Variants in RYR2 observed in about 807,000 individuals in gnomAD.
RYR2 encodes the protein cardiac muscle ryanodine receptor-calcium release channel.
A neutral mutation model predicts 601.1 loss-of-function variants in RYR2; 227 were observed. The observed-to-expected ratio is 0.38, with a 90% CI of 0.34 to 0.42. The LOEUF is 0.42. RYR2 is among the 10% of genes least tolerant of loss of function. The probability of loss-of-function intolerance (pLI) is 1.00; values close to 1 mark genes in which losing one functional copy is unlikely to be tolerated. For synonymous variants in RYR2, 2,223 were observed against 2,175.1 expected, an observed-to-expected ratio of 1.02 and a Z score of -0.61; for missense variants, 4,646 against 6,156.5, an observed-to-expected ratio of 0.75 and a Z score of 8.21.
chr1:237,497,890 C>T (rs1322079665), intron 20 of RYR2, among the ~76,000 whole-genome samples: 2 of 151,538 alleles, frequency 1.3e-5, no homozygotes, highest in African/African-American at 4.9e-5. Context: ...GAGACAGAGT[C>T]TTGCTCTGTT....
chr1:237,480,940 C>T (rs1661996498), intron 17 of RYR2, among the ~76,000 whole-genome samples: 2 of 151,710 alleles, frequency 1.3e-5, no homozygotes, highest in African/African-American at 4.8e-5. Context: ...ACCTCTGTTG[C>T]TTTTTTCTCC....
intron 42 of RYR2, among the ~76,000 whole-genome samples, chr1:237,631,912 C>T (rs552935432): frequency 9.5e-4 from 144 of 151,910 alleles, no homozygotes; most frequent in African/African-American, 2.5e-3. Flanking sequence ...GGATTACAGG[C>T]GTGAGCCACC....
intron 1 of RYR2, among the ~76,000 whole-genome samples, chr1:237,081,547 A>G (rs572666993): frequency 4.5e-4 from 68 of 152,042 alleles, no homozygotes; most frequent in Non-Finnish European, 7.7e-4. Context: ...GTATACATAT[A>G]TATCATAATT....
chr1:237,673,849 G>A (rs1322326817), intron 58 of RYR2, among the ~76,000 whole-genome samples: 2 of 152,162 alleles, frequency 1.3e-5, no homozygotes, highest in African/African-American at 4.8e-5. Context: ...TTGTCACTTA[G>A]TATTACAAAT....
At chr1:237,768,822 C>T (rs1477658557) in intron 84 of RYR2, among the ~76,000 whole-genome samples, 1 of 152,190 alleles carries the variant, frequency 6.6e-6, no homozygotes, top group African/African-American at 2.4e-5. Flanking sequence ...TACCTGGTAT[C>T]ACCTGATGGT....
chr1:237,384,842 G>A (rs1572081468), intron 8 of RYR2, among the ~76,000 whole-genome samples: 2 of 152,106 alleles, frequency 1.3e-5, no homozygotes, highest in African/African-American at 2.4e-5. Flanking sequence ...GATTTACACA[G>A]CATTTTTAAA....
chr1:237,223,245 C>T (rs569178863), intron 1 of RYR2, among the ~76,000 whole-genome samples: 3 of 152,274 alleles, frequency 2.0e-5, no homozygotes, highest in Non-Finnish European at 4.4e-5. Flanking sequence ...TGTCCAGGAT[C>T]AAGGTACTGG....
chr1:237,174,343 C>G (rs1292499067), intron 1 of RYR2, among the ~76,000 whole-genome samples: 2 of 152,164 alleles, frequency 1.3e-5, no homozygotes, highest in African/African-American at 4.8e-5. Flanking sequence ...TCTGTTCTTA[C>G]TAATGTCACC....
rs1321740192 is a variant in RYR2, at chr1:237,622,521, T to C, written c.5917-1244T>C. Among the ~76,000 whole-genome samples, 8 of 152,204 alleles carry C rather than the reference T, an allele frequency of 5.3e-5. 1 individual carries two copies. In the South Asian group the frequency reaches 1.4e-3, roughly 28 times the overall value. ...CATAGATGAATTTCATTTTTAGACT[T>C]GGGTTCTATTCTCAAAATAGCTCAT... On this transcript the variant is annotated intron_variant, in intron 38 of 104. Coordinates refer to ENST00000366574, the MANE Select transcript of RYR2 (RefSeq NM_001035.3).
intron 62 of RYR2, among the ~76,000 whole-genome samples, chr1:237,683,974 C>A (rs1686129354): frequency 6.6e-6 from 1 of 152,082 alleles, no homozygotes; most frequent in African/African-American, 2.4e-5. Context: ...GTCGCCCAGG[C>A]TGGAGTCCAG....
chr1:237,624,210 T>G (rs1250320055), intron 39 of RYR2, among the ~76,000 whole-genome samples: 1 of 152,172 alleles, frequency 6.6e-6, no homozygotes, highest in East Asian at 1.9e-4. Context: ...AGTCAATGGG[T>G]ACAAAGTTTC....
chr1:237,370,491 T>C (rs966957733), intron 6 of RYR2, among the ~76,000 whole-genome samples: 1 of 152,202 alleles, frequency 6.6e-6, no homozygotes, highest in South Asian at 2.1e-4. Context: ...TCTCATTGTC[T>C]TCGTGTCAAA....
At chr1:237,445,549 G>A (rs769478625) in intron 14 of RYR2, 27 bp downstream of exon 14, 10 of 1,610,728 alleles carry the variant, frequency 6.2e-6, no homozygotes, top group Non-Finnish European at 8.5e-6. Flanking sequence ...AGGCGTAGTT[G>A]TTTGATACTT....
intron 30 of RYR2, 79 bp from the exon 31 acceptor site, chr1:237,590,561 G>A: frequency 3.3e-6 from 4 of 1,197,522 alleles, no homozygotes; most frequent in Non-Finnish European, 4.6e-6. Flanking sequence ...CTGAAAACGT[G>A]ATGTGCCTTA....
At chr1:237,802,546 T>C (rs181152117) in intron 98 of RYR2, among the ~76,000 whole-genome samples, 2 of 152,274 alleles carry the variant, frequency 1.3e-5, no homozygotes, top group East Asian at 3.9e-4. Flanking sequence ...CATCCAGCCA[T>C]GGGCCCAGAA....
In RYR2 at chr1:237,708,996, A is replaced by C; in HGVS notation, c.10040A>C (p.Asp3347Ala). 1 of 1,613,638 alleles carries C rather than the reference A, an allele frequency of 6.2e-7. No homozygotes were observed. The highest frequency in any genetic ancestry group is 8.5e-7 in the Non-Finnish European group (1 of 1,179,698). Residue 3347 changes from aspartate (D) to alanine (A), a missense_variant, in exon 69 of 105, where the codon GAC becomes GCC. By Grantham distance (126) the Asp-to-Ala change is moderately radical (BLOSUM62 -2). This residue lies in a region of RYR2 where 1,497 missense variants were observed against 1,842.6 expected (regional missense o/e 0.81). Transcript: ENST00000366574. ...CACCTGAAAGCTGAGGCCAGGGGGG[A>C]CATGTCGGAGGCAGAACTCCTCATC... is the stretch of plus-strand genomic sequence containing the variant. ...EDHLKAEARG[D>A]MSEAELLILD...
Position 237,388,164 on chromosome 1 carries a change from C to T in RYR2, c.754C>T (p.His252Tyr). The T allele has an allele frequency of 6.2e-7, 1 of 1,613,842 alleles. No individual in the cohort carries two copies. The highest frequency in any genetic ancestry group is 8.5e-7 in the Non-Finnish European group (1 of 1,179,844). ...DECLTVPSGE[H>Y]GEEQRRTVHY... ...GTGTCTCACTGTCCCTTCAGGAGAA[C>T]ATGGTGAAGAGCAGCGGAGGTTAGT... Residue 252 changes from histidine to tyrosine, a missense_variant, in exon 10 of 105, where the codon CAT becomes TAT. Transcript: ENST00000366574.
intron 47 of RYR2, among the ~76,000 whole-genome samples, chr1:237,641,787 C>T (rs1426621149): frequency 6.6e-6 from 1 of 152,224 alleles, no homozygotes; most frequent in Admixed American, 6.5e-5. Flanking sequence ...AGTGATCCAA[C>T]TGCCTCGGCC....
intron 2 of RYR2, among the ~76,000 whole-genome samples, chr1:237,304,784 C>T (rs1693709009): frequency 6.6e-6 from 1 of 152,120 alleles, no homozygotes; most frequent in African/African-American, 2.4e-5. Flanking sequence ...CTAAGGAAAA[C>T]TCCGTTTTAT....
Sources: gnomAD v4.1 joint callset for allele counts (sites outside exome capture counted in the v4.1 genomes callset) on GRCh38, gnomAD v4.1.1 for gene constraint, gnomAD v4.1.1 regional missense constraint, MANE v1.5 for transcripts, NCBI Gene and HGNC (gene_info 2026-07-23, HGNC 2026-07-21) for gene names.